The following MPPED1 variants were observed in gnomAD, a reference collection of about 807,000 sequenced individuals.
MPPED1 encodes metallophosphoesterase domain-containing protein 1.
MPPED1 carries 16 observed loss-of-function variants against 36.2 expected under a neutral mutation model. The observed-to-expected ratio is 0.44, with a 90% CI of 0.30 to 0.67. The LOEUF is 0.67. MPPED1 is among the 30% of genes least tolerant of loss of function. The probability of loss-of-function intolerance (pLI) is 0.10; values close to 1 mark genes in which losing one functional copy is unlikely to be tolerated. For synonymous variants in MPPED1, 199 were observed against 191.3 expected, an observed-to-expected ratio of 1.04 and a Z score of -0.33; for missense variants, 307 against 453.4, an observed-to-expected ratio of 0.68 and a Z score of 2.93.
intron 5 of MPPED1, among the ~76,000 whole-genome samples, chr22:43,499,621 T>A (rs866754577): frequency 1.7e-4 from 11 of 65,320 alleles, no homozygotes; most frequent in East Asian, 5.9e-4. Flanking sequence ...GTGATGGTGG[T>A]GGTGATGATG....
In MPPED1 at chr22:43,507,126, G is replaced by T. The variant is rs1015573185; in HGVS notation, c.*1510G>T. 1 of 152,214 alleles carries T rather than the reference G, an allele frequency of 6.6e-6. No individual in the cohort carries two copies. The highest frequency in any genetic ancestry group is 2.4e-5 in the African/African-American group (1 of 41,452). The allele number at this position is 152,214 out of a possible 1,614,324, so 9.4% of individuals were successfully genotyped here. ...TGAGGCCAGAGGGGTGTGGTAACTTGCCTGGGGGCTCACAGCACAAAAGGA... is the reference window on the plus strand; with the variant it reads ...TGAGGCCAGAGGGGTGTGGTAACTTTCCTGGGGGCTCACAGCACAAAAGGA... On this transcript the variant is annotated 3_prime_UTR_variant, in exon 7 of 7. Transcript: ENST00000443721.
intron 3 of MPPED1, among the ~76,000 whole-genome samples, chr22:43,447,057 G>T (rs1244499924): frequency 6.6e-6 from 1 of 152,162 alleles, no homozygotes; most frequent in Non-Finnish European, 1.5e-5. Flanking sequence ...AATGGAGGGT[G>T]GCGGTGCCTT....
At chr22:43,433,686 C>T (rs1026949880) in intron 2 of MPPED1, among the ~76,000 whole-genome samples, 5 of 151,914 alleles carry the variant, frequency 3.3e-5, no homozygotes, top group Admixed American at 1.3e-4. Flanking sequence ...CGCGCTAGTG[C>T]GCCCTGCACA....
intron 1 of MPPED1, among the ~76,000 whole-genome samples, chr22:43,420,649 G>A (rs1929237903): frequency 6.6e-6 from 1 of 152,054 alleles, no homozygotes; most frequent in Non-Finnish European, 1.5e-5. Context: ...TGATCCTCCC[G>A]CCTCGGCGTC....
chr22:43,501,162 A>G lies in MPPED1; in HGVS notation c.749-1482A>G, dbSNP rs115338437. 9.8e-3 allele frequency among the ~76,000 whole-genome samples: 1,490 copies of G among 152,292 alleles called. 38 individuals are homozygous for G. Among genetic ancestry groups the G allele is most frequent in the African/African-American group, 0.034 (1,406 of 41,542 alleles). On this transcript the variant is annotated intron_variant, in intron 5 of 6. Coordinates refer to ENST00000443721, the MANE Select transcript of MPPED1 (RefSeq NM_001044370.2). ...GGCCCTGGTGTGATTTAAGCAGCAC[A>G]GAGAGGTTGTAGCCGGGTTTGTTTC... is the stretch of plus-strand genomic sequence containing the variant.
intron 2 of MPPED1, among the ~76,000 whole-genome samples, chr22:43,431,271 G>A (rs2003810): frequency 0.26 from 39,715 of 151,634 alleles, 6,373 homozygotes; most frequent in East Asian, 0.67. Context: ...TTGAACTCCT[G>A]ACCTCAAGTG....
chr22:43,429,681 A>G (rs1003561477), intron 2 of MPPED1, among the ~76,000 whole-genome samples: 1 of 152,210 alleles, frequency 6.6e-6, no homozygotes, highest in Non-Finnish European at 1.5e-5. Context: ...TCTCCCCTCC[A>G]CAAGCATGGG....
At chr22:43,500,331 G>GGTGA (rs1932675084) in intron 5 of MPPED1, among the ~76,000 whole-genome samples, 1 of 117,302 alleles carries the variant, frequency 8.5e-6, no homozygotes, top group Admixed American at 8.4e-5. Flanking sequence ...GATGGTGGTG[G>GGTGA]TGGAGGTGGT....
At position 43,502,620 on chromosome 22, in the gene MPPED1, C is replaced by T. The variant is rs1932757739; in HGVS notation, c.749-24C>T. Reference sequence around the variant, plus strand: ...GGGCTGGGACAGACCGCGTCATGGCCTCCTGTTGTCTCCCCCATACCAGGC... The same window carrying T: ...GGGCTGGGACAGACCGCGTCATGGCTTCCTGTTGTCTCCCCCATACCAGGC... On this transcript the variant is annotated intron_variant, in intron 5 of 6. Transcript: ENST00000443721. The surrounding 1 kb of genome is among the most constrained non-coding windows in gnomAD (Gnocchi z 5.5). The T allele has an allele frequency of 1.3e-6, 2 of 1,593,226 alleles. No individual in the cohort carries two copies. The highest frequency in any genetic ancestry group is 1.1e-5 in the South Asian group (1 of 90,658).
rs1932832702 is a variant in MPPED1, at chr22:43,507,662, A to G, written c.*2046A>G. The stretch of plus-strand genomic sequence containing the variant: ...CTAAGGTATCTTCAGAATATGGTGT[A>G]TTTTTATGTGGAAAAGAAAAGTTAT... On this transcript the variant is annotated 3_prime_UTR_variant, in exon 7 of 7. Transcript: ENST00000443721. 6.6e-6 allele frequency: 1 copy of G among 152,148 alleles called. No homozygotes were observed. The highest frequency in any genetic ancestry group is 6.5e-5 in the Admixed American group (1 of 15,278). 9.4% of individuals were successfully genotyped at this position (152,148 alleles called of 1,614,324 possible). A position where few individuals can be genotyped will look rare whatever the true frequency, so the allele number is the denominator to read the frequency against.
chr22:43,420,630 G>A lies in MPPED1; in HGVS notation c.-78-4278G>A, dbSNP rs534785691. Among the ~76,000 whole-genome samples the A allele has an allele frequency of 1.1e-3, 165 of 152,182 alleles. 1 individual carries two copies. Among genetic ancestry groups the A allele is most frequent in the African/African-American group, 3.9e-3 (161 of 41,510 alleles). On this transcript the variant is annotated intron_variant, in intron 1 of 6. Transcript: ENST00000443721. ...TTGGTCAGGCTGGTCTCGAACTCCC[G>A]ACCTCAGGTGATCCTCCCGCCTCGG...
intron 3 of MPPED1, among the ~76,000 whole-genome samples, chr22:43,457,259 C>A (rs903803462): frequency 6.6e-6 from 1 of 152,006 alleles, no homozygotes; most frequent in Non-Finnish European, 1.5e-5. Context: ...ATAAAATATT[C>A]TTCCTTTTCT....
chr22:43,488,715 T>C (rs1229831750), intron 4 of MPPED1, among the ~76,000 whole-genome samples: 1 of 152,258 alleles, frequency 6.6e-6, no homozygotes, highest in Non-Finnish European at 1.5e-5. Flanking sequence ...TTTGCTCTGG[T>C]TGTCATGGCA....
intron 3 of MPPED1, among the ~76,000 whole-genome samples, chr22:43,445,577 T>TTG (rs1930308492): frequency 6.7e-6 from 1 of 149,836 alleles, no homozygotes; most frequent in Admixed American, 6.7e-5. Flanking sequence ...TTTTTTTTTT[T>TTG]GCAGACAGGA....
At chr22:43,453,311 G>T (rs9620141) in intron 3 of MPPED1, among the ~76,000 whole-genome samples, 13,513 of 144,858 alleles carry the variant, frequency 0.093, 1,750 homozygotes, top group African/African-American at 0.29. Context: ...GCTATGGGCC[G>T]TTTCCCCGCA....
At chr22:43,463,704 A>T (rs890615875) in intron 3 of MPPED1, among the ~76,000 whole-genome samples, 9 of 152,140 alleles carry the variant, frequency 5.9e-5, no homozygotes, top group African/African-American at 1.4e-4. Context: ...GATATAGTTT[A>T]AAAAAGCATT....
intron 2 of MPPED1, among the ~76,000 whole-genome samples, chr22:43,433,604 G>A (rs1569067982): frequency 6.6e-6 from 1 of 152,156 alleles, no homozygotes; most frequent in African/African-American, 2.4e-5. Flanking sequence ...AAGGGGCCCC[G>A]GGTGCGCGCT....
intron 1 of MPPED1, chr22:43,419,095 A>G (rs1247494478): frequency 3.3e-5 from 5 of 152,258 alleles, no homozygotes; most frequent in Non-Finnish European, 5.9e-5. Flanking sequence ...CAGCCCAGGA[A>G]GGAAGGATTG....
intron 5 of MPPED1, among the ~76,000 whole-genome samples, chr22:43,500,757 C>T (rs1408142837): frequency 6.6e-6 from 1 of 152,056 alleles, no homozygotes; most frequent in Non-Finnish European, 1.5e-5. Flanking sequence ...GGCCCCCAGG[C>T]TGCAGGGTAG....
Sources: gnomAD v4.1 joint callset for allele counts (sites outside exome capture counted in the v4.1 genomes callset) on GRCh38, gnomAD v4.1.1 for gene constraint, Gnocchi (gnomAD v3.1) non-coding constraint, MANE v1.5 for transcripts, NCBI Gene and HGNC (gene_info 2026-07-23, HGNC 2026-07-21) for gene names.